CNTN5: variants seen among roughly 807,000 people sequenced by gnomAD.
The protein encoded by CNTN5 is contactin-5.
In CNTN5, 77 loss-of-function variants were observed where a neutral mutation model predicts 129.1. The ratio of observed to expected loss-of-function variants is 0.60; its 90% confidence interval spans 0.50 to 0.72. The LOEUF (loss-of-function observed/expected upper bound fraction) is 0.72, where lower values mean the gene tolerates loss of function less well. Ranked by LOEUF, CNTN5 falls within the 30% of genes least tolerant of loss-of-function variation. The pLI is 0.00. For synonymous variants in CNTN5, 509 were observed against 465.6 expected, an observed-to-expected ratio of 1.09 and a Z score of -1.20; for missense variants, 1,478 against 1,328.8, an observed-to-expected ratio of 1.11 and a Z score of -1.75.
intron 2 of CNTN5, among the ~76,000 whole-genome samples, chr11:99,451,569 A>G (rs1483408551): frequency 1.3e-5 from 2 of 152,174 alleles, no homozygotes; most frequent in Non-Finnish European, 2.9e-5. Flanking sequence ...TTTCTTACTG[A>G]TAGTGGAAAT....
chr11:99,861,143 C>A (rs1948194238), intron 6 of CNTN5, among the ~76,000 whole-genome samples: 1 of 151,670 alleles, frequency 6.6e-6, no homozygotes, highest in Non-Finnish European at 1.5e-5. Flanking sequence ...ATTTTTAGTA[C>A]AGACAGGGTT....
At chr11:99,479,988 TA>T (rs1320444598) in intron 2 of CNTN5, among the ~76,000 whole-genome samples, 5 of 146,500 alleles carry the variant, frequency 3.4e-5, no homozygotes, top group African/African-American at 1.3e-4. Flanking sequence ...CTAAACCCTT[TA>T]TTACAAGACA....
intron 4 of CNTN5, among the ~76,000 whole-genome samples, chr11:99,821,297 A>T (rs1946793640): frequency 6.6e-6 from 1 of 152,206 alleles, no homozygotes; most frequent in Non-Finnish European, 1.5e-5. Flanking sequence ...CATGAAAATG[A>T]TGAGAACAAT....
At chr11:99,972,770 C>G (rs1393487434) in intron 8 of CNTN5, among the ~76,000 whole-genome samples, 1 of 152,068 alleles carries the variant, frequency 6.6e-6, no homozygotes, top group East Asian at 1.9e-4. Flanking sequence ...GGTATTTCCT[C>G]AGAGAGAGGA....
chr11:100,130,006 A>G (rs550905594), intron 13 of CNTN5, among the ~76,000 whole-genome samples: 25 of 152,284 alleles, frequency 1.6e-4, no homozygotes, highest in Admixed American at 8.5e-4. Flanking sequence ...GAAATCATAC[A>G]TGGAAAATAA....
At chr11:100,320,824 C>T (rs754877927) in intron 21 of CNTN5, among the ~76,000 whole-genome samples, 12 of 152,082 alleles carry the variant, frequency 7.9e-5, no homozygotes, top group Non-Finnish European at 1.6e-4. Context: ...ATCCTTTCCC[C>T]ATTGTGTGTT....
At chr11:99,591,540 A>T (rs1407628113) in intron 3 of CNTN5, among the ~76,000 whole-genome samples, 1 of 151,850 alleles carries the variant, frequency 6.6e-6, no homozygotes, top group Non-Finnish European at 1.5e-5. Flanking sequence ...GGGTTTCACC[A>T]TGTTAGTCAG....
intron 4 of CNTN5, among the ~76,000 whole-genome samples, chr11:99,822,321 A>G (rs1482555136): frequency 6.6e-6 from 1 of 152,188 alleles, no homozygotes; most frequent in Non-Finnish European, 1.5e-5. Flanking sequence ...CTTCACCACA[A>G]TATGTTTAAG....
intron 2 of CNTN5, among the ~76,000 whole-genome samples, chr11:99,350,678 G>A (rs1233595582): frequency 4.6e-5 from 7 of 152,118 alleles, no homozygotes; most frequent in Admixed American, 4.6e-4. Flanking sequence ...GAAACACTGT[G>A]CTGCATGAAG....
intron 2 of CNTN5, among the ~76,000 whole-genome samples, chr11:99,527,394 C>G (rs1456407524): frequency 6.6e-6 from 1 of 152,078 alleles, no homozygotes; most frequent in African/African-American, 2.4e-5. Context: ...TTTTATGCAA[C>G]TGTTCTCTTA....
At chr11:99,424,566 G>A (rs984658256) in intron 2 of CNTN5, among the ~76,000 whole-genome samples, 1 of 152,236 alleles carries the variant, frequency 6.6e-6, no homozygotes, top group Non-Finnish European at 1.5e-5. Flanking sequence ...AGCTCCATGT[G>A]AGGCTGCAGC....
At chr11:99,925,291 G>A (rs560516643) in intron 7 of CNTN5, among the ~76,000 whole-genome samples, 5 of 152,278 alleles carry the variant, frequency 3.3e-5, no homozygotes, top group African/African-American at 1.2e-4. Flanking sequence ...CATAAAGTGA[G>A]TATTTGCAGA....
chr11:99,700,768 A>T (rs1282617407), intron 3 of CNTN5, among the ~76,000 whole-genome samples: 3 of 151,398 alleles, frequency 2.0e-5, no homozygotes, highest in African/African-American at 7.3e-5. Flanking sequence ...AAGGAATAGC[A>T]ATTTCATGCT....
intron 1 of CNTN5, among the ~76,000 whole-genome samples, chr11:99,121,298 C>A (rs896650746): frequency 2.0e-5 from 3 of 152,052 alleles, no homozygotes; most frequent in Non-Finnish European, 4.4e-5. Flanking sequence ...CCATGCCCAG[C>A]TAATTTTTGT....
At chr11:100,003,807 A>G (rs761378218) in intron 9 of CNTN5, 7 of 152,160 alleles carry the variant, frequency 4.6e-5, no homozygotes, top group Non-Finnish European at 8.8e-5. Context: ...AAAAGTAAAT[A>G]CATAAAAGGG....
At chr11:99,793,066 T>A (rs62938063) in intron 3 of CNTN5, among the ~76,000 whole-genome samples, 1 of 130,050 alleles carries the variant, frequency 7.7e-6, no homozygotes, top group Non-Finnish European at 1.7e-5. Flanking sequence ...ATCTTATTAA[T>A]TTTTTTTTTT....
chr11:100,004,258 T>C (rs1940056846), intron 9 of CNTN5, among the ~76,000 whole-genome samples: 1 of 152,154 alleles, frequency 6.6e-6, no homozygotes, highest in Admixed American at 6.6e-5. Flanking sequence ...ACATTCCTTG[T>C]AGAGTGTTAT....
At chr11:99,891,297 T>A (rs1949051349) in intron 6 of CNTN5, among the ~76,000 whole-genome samples, 1 of 151,908 alleles carries the variant, frequency 6.6e-6, no homozygotes, top group African/African-American at 2.4e-5. Context: ...AATGAAAAGT[T>A]TATTTTTTAT....
intron 3 of CNTN5, among the ~76,000 whole-genome samples, chr11:99,784,795 GTTTTTTTT>G (rs55715264): frequency 2.1e-5 from 2 of 93,916 alleles, no homozygotes; most frequent in Non-Finnish European, 4.1e-5. Flanking sequence ...ATCTCATTGT[GTTTTTTTT>G]TTTTTTTTTT....
Sources: allele counts gnomAD v4.1 joint callset (sites outside exome capture counted in the v4.1 genomes callset), GRCh38; gene constraint gnomAD v4.1.1; transcripts MANE v1.5; gene names NCBI Gene and HGNC (gene_info 2026-07-23, HGNC 2026-07-21).